The following FRMD4A variants were observed in gnomAD, a reference collection of about 807,000 sequenced individuals.
The protein encoded by FRMD4A is FERM domain containing 4A, also known as FERM domain-containing protein 4A.
FRMD4A carries 29 observed loss-of-function variants against 129.1 expected under a neutral mutation model. The observed-to-expected ratio is 0.22, with a 90% CI of 0.17 to 0.31. FRMD4A has a LOEUF of 0.31. Ranked by LOEUF, FRMD4A falls within the 10% of genes least tolerant of loss-of-function variation. The pLI, the probability that FRMD4A is intolerant of heterozygous loss-of-function variation, is 1.00. For missense variants in FRMD4A, 1,272 were observed against 1,375.8 expected (o/e 0.92, Z 1.19); for synonymous variants, 634 against 571.6 (o/e 1.11, Z -1.56).
chr10:13,833,312 G>A (rs992017065), intron 3 of FRMD4A, among the ~76,000 whole-genome samples: 1 of 152,130 alleles, frequency 6.6e-6, no homozygotes, highest in Non-Finnish European at 1.5e-5. Context: ...TTGTGCAGGG[G>A]AACTCCCATT....
intron 2 of FRMD4A, among the ~76,000 whole-genome samples, chr10:14,269,301 A>G (rs1283175028): frequency 6.6e-6 from 1 of 152,168 alleles, no homozygotes; most frequent in African/African-American, 2.4e-5. Flanking sequence ...GGTTGTATTC[A>G]TTGTCTACTG....
At chr10:13,857,128 T>C (rs1415330683) in intron 3 of FRMD4A, among the ~76,000 whole-genome samples, 2 of 152,224 alleles carry the variant, frequency 1.3e-5, no homozygotes, top group African/African-American at 4.8e-5. Flanking sequence ...ACAGCCGTAA[T>C]CTAAAATGCA....
At chr10:14,160,721 G>A (rs887758528) in intron 2 of FRMD4A, among the ~76,000 whole-genome samples, 1 of 152,180 alleles carries the variant, frequency 6.6e-6, no homozygotes, top group Non-Finnish European at 1.5e-5. Flanking sequence ...TCAGGGAAAT[G>A]CCAATCAAAA....
chr10:13,997,535 C>T (rs1049579004), intron 2 of FRMD4A, among the ~76,000 whole-genome samples: 9 of 152,094 alleles, frequency 5.9e-5, no homozygotes, highest in African/African-American at 1.9e-4. Flanking sequence ...TGCCCATGAG[C>T]ATTAGGTTCA....
chr10:14,023,187 C>T lies in FRMD4A; in HGVS notation c.46-164275G>A, dbSNP rs938414062. ...GGACGCTCTCCCTTCTGGACGCATT[C>T]CTCCTCCAGGCATAACTTCCAACAC... On this transcript the variant is annotated intron_variant, in intron 2 of 24. Transcript: ENST00000357447. Among the ~76,000 whole-genome samples the T allele has an allele frequency of 7.2e-5, 11 of 152,308 alleles. No homozygotes were observed. The South Asian group carries it at 2.1e-3, about 29-fold the overall frequency.
chr10:14,146,198 T>G (rs368328345), intron 2 of FRMD4A, among the ~76,000 whole-genome samples: 1 of 152,204 alleles, frequency 6.6e-6, no homozygotes, highest in South Asian at 2.1e-4. Flanking sequence ...TGGCTCATAG[T>G]AAGTTACAAC....
chr10:14,044,821 C>G (rs112959456), intron 2 of FRMD4A, among the ~76,000 whole-genome samples: 119 of 152,332 alleles, frequency 7.8e-4, no homozygotes, highest in African/African-American at 2.8e-3. Context: ...TTGTTTTCAA[C>G]CACAACACTG....
chr10:13,828,142 A>C (rs575371600), intron 3 of FRMD4A, among the ~76,000 whole-genome samples: 25 of 152,228 alleles, frequency 1.6e-4, no homozygotes, highest in Admixed American at 1.2e-3. Context: ...TCTTGAAAGC[A>C]GGGATGGTAT....
intron 2 of FRMD4A, among the ~76,000 whole-genome samples, chr10:14,158,073 G>T (rs1483737382): frequency 6.6e-6 from 1 of 152,194 alleles, no homozygotes; most frequent in Non-Finnish European, 1.5e-5. Context: ...GATAGCTCAG[G>T]CTGAAAAGAC....
chr10:13,754,332 C>G (rs2091765560), intron 8 of FRMD4A, among the ~76,000 whole-genome samples: 1 of 151,846 alleles, frequency 6.6e-6, no homozygotes, highest in East Asian at 1.9e-4. Flanking sequence ...CTTTTTTATG[C>G]TTTGAAAATG....
At chr10:13,705,357 C>T (rs1314312739) in intron 13 of FRMD4A, among the ~76,000 whole-genome samples, 2 of 152,174 alleles carry the variant, frequency 1.3e-5, no homozygotes, top group African/African-American at 4.8e-5. Flanking sequence ...CACGAACACA[C>T]ATGTGCAGAT....
intron 5 of FRMD4A, among the ~76,000 whole-genome samples, chr10:13,785,705 T>C (rs182984517): frequency 3.8e-4 from 58 of 152,356 alleles, no homozygotes; most frequent in Admixed American, 2.9e-3. Flanking sequence ...ATATGCCATG[T>C]TGGTGTGCTG....
At chr10:14,281,167 T>A (rs1181627653) in intron 2 of FRMD4A, among the ~76,000 whole-genome samples, 1 of 151,904 alleles carries the variant, frequency 6.6e-6, no homozygotes, top group African/African-American at 2.4e-5. Context: ...TAATTTTGTA[T>A]TTTTAGTAGA....
At chr10:13,869,434 G>T (rs1226094138) in intron 2 of FRMD4A, among the ~76,000 whole-genome samples, 2 of 152,258 alleles carry the variant, frequency 1.3e-5, no homozygotes, top group African/African-American at 4.8e-5. Context: ...ATGATGGACA[G>T]GTGCGACAGA....
chr10:13,795,444 C>A (rs967077473), intron 5 of FRMD4A, among the ~76,000 whole-genome samples: 1 of 152,188 alleles, frequency 6.6e-6, no homozygotes, highest in Non-Finnish European at 1.5e-5. Context: ...TTAAGTGGAC[C>A]CTTTAACTCT....
chr10:13,704,440 C>G (rs1158957743), intron 13 of FRMD4A, among the ~76,000 whole-genome samples: 1 of 152,022 alleles, frequency 6.6e-6, no homozygotes, highest in African/African-American at 2.4e-5. Context: ...CCAGCCAGAC[C>G]CTCCCTCATT....
intron 2 of FRMD4A, among the ~76,000 whole-genome samples, chr10:13,878,238 A>G (rs1201571964): frequency 6.6e-6 from 1 of 151,670 alleles, no homozygotes; most frequent in Non-Finnish European, 1.5e-5. Context: ...AAAAAAAAAA[A>G]AAAAAGCTGA....
chr10:13,786,690 A>G (rs1461296236), intron 5 of FRMD4A, among the ~76,000 whole-genome samples: 1 of 152,192 alleles, frequency 6.6e-6, no homozygotes, highest in African/African-American at 2.4e-5. Context: ...TAAAGGAAGG[A>G]AAAGAAGGAA....
chr10:14,005,562 C>T (rs984623775), intron 2 of FRMD4A, among the ~76,000 whole-genome samples: 1 of 152,226 alleles, frequency 6.6e-6, no homozygotes, highest in Non-Finnish European at 1.5e-5. Context: ...AAATCATGTT[C>T]TTCTCTTTGG....
Sources: allele counts gnomAD v4.1 joint callset (sites outside exome capture counted in the v4.1 genomes callset), GRCh38; gene constraint gnomAD v4.1.1; transcripts MANE v1.5; gene names NCBI Gene and HGNC (gene_info 2026-07-23, HGNC 2026-07-21).